MCF2: variants seen among roughly 807,000 people sequenced by gnomAD.
MCF2 encodes the protein proto-oncogene DBL.
In MCF2, 44 loss-of-function variants were observed where a neutral mutation model predicts 82.5. The observed-to-expected ratio is 0.53, with a 90% CI of 0.42 to 0.69. MCF2 has a LOEUF of 0.69. Among genes scored for constraint, MCF2 ranks in the 30% least tolerant of loss-of-function variants. MCF2 has a pLI of 0.00. For synonymous variants in MCF2, 217 were observed against 224.9 expected, an observed-to-expected ratio of 0.96 and a Z score of 0.32; for missense variants, 623 against 663.1, an observed-to-expected ratio of 0.94 and a Z score of 0.66.
At chrX:139,679,668 G>A (rs1346494788) in intron 1 of MCF2, among the ~76,000 whole-genome samples, 1 of 109,970 alleles carries the variant, frequency 9.1e-6, no homozygotes, top group Non-Finnish European at 1.9e-5. Flanking sequence ...ACAGTGAAAG[G>A]ACATCCAGCA....
chrX:139,664,863 G>A (rs1252025450), intron 1 of MCF2, among the ~76,000 whole-genome samples: 1 of 111,449 alleles, frequency 9.0e-6, no homozygotes, highest in African/African-American at 3.3e-5. Flanking sequence ...GTTATTCAGG[G>A]CCCAAGGTCT....
At chrX:139,588,819 A>G (rs979664226) in intron 20 of MCF2, among the ~76,000 whole-genome samples, 1 of 108,859 alleles carries the variant, frequency 9.2e-6, no homozygotes, top group Non-Finnish European at 1.9e-5. Flanking sequence ...AGTCCCAGCT[A>G]CTTGAGAGGG....
Position 139,616,289 on chromosome X carries a change from T to C in MCF2, c.1184A>G (p.Glu395Gly), listed in dbSNP as rs776393207. The C allele has an allele frequency of 8.2e-6, 9 of 1,093,447 alleles. No individual in the cohort carries two copies. Among genetic ancestry groups the C allele is most frequent in the Non-Finnish European group, 1.1e-5 (9 of 822,917 alleles). The allele number at this position is 1,093,447 out of a possible 1,213,427, so 90.1% of individuals were successfully genotyped here. A position where few individuals can be genotyped will look rare whatever the true frequency, so the allele number is the denominator to read the frequency against. The change falls in exon 9 of 25, where the codon GAG becomes GGG. Residue 395 changes from glutamate to glycine, a missense_variant. By Grantham distance (98) the Glu-to-Gly change is moderately conservative. Coordinates refer to ENST00000370576, the Ensembl canonical transcript of MCF2. ...AAATAAAAAAGCCTCTACCTTAAGC[T>C]CAGGAGATAATATTACATCAAATTC...
intron 18 of MCF2, among the ~76,000 whole-genome samples, 154 bp downstream of exon 22, chrX:139,597,305 CA>C (rs1442659649): frequency 4.5e-5 from 5 of 111,245 alleles, no homozygotes; most frequent in African/African-American, 1.6e-4. Context: ...GATCTGAAGC[CA>C]ATTCTCCACT....
chrX:139,586,187 A>G (rs1928937668), intron 23 of MCF2, among the ~76,000 whole-genome samples, 191 bp downstream of exon 27: 1 of 111,915 alleles, frequency 8.9e-6, no homozygotes, highest in African/African-American at 3.3e-5. Context: ...CAGGGACCAC[A>G]CTTTGACAAC....
chrX:139,590,268 A>G (rs1044059437), intron 19 of MCF2, among the ~76,000 whole-genome samples: 2 of 111,290 alleles, frequency 1.8e-5, no homozygotes, highest in African/African-American at 3.3e-5. Context: ...AGAAGTCATT[A>G]AACATCAATA....
chrX:139,609,981 C>T (rs1428161865), intron 11 of MCF2, among the ~76,000 whole-genome samples: 1 of 112,689 alleles, frequency 8.9e-6, no homozygotes. Context: ...TTATTCTGCA[C>T]AAAGGTGCAA....
chrX:139,642,911 T>TC, upstream of MCF2: 1 of 695,535 alleles, frequency 1.4e-6, no homozygotes, highest in Non-Finnish European at 1.8e-6. Context: ...ACTGGCTTTC[T>TC]CCTCTGCGCA....
At position 139,678,572 on chromosome X, in the gene MCF2, C is replaced by T. The variant is rs757692054; in HGVS notation, c.-44-26784G>A. Among the ~76,000 whole-genome samples, 6 of 111,466 alleles carry T rather than the reference C, an allele frequency of 5.4e-5. No homozygotes were observed. The East Asian group carries it at 1.1e-3, about 21-fold the overall frequency. ...CTGAAGATAATTTCAACACATGTAA[C>T]GACAAAGAATTAGTAATTAATATCA... On this transcript the variant is annotated intron_variant, in intron 1 of 27. Coordinates refer to the MCF2 transcript ENST00000414978.
At chrX:139,636,358 AG>A (rs1175206578) in intron 1 of MCF2, among the ~76,000 whole-genome samples, 1 of 112,026 alleles carries the variant, frequency 8.9e-6, no homozygotes, top group Non-Finnish European at 1.9e-5. Flanking sequence ...TGAAATTGAA[AG>A]CACCCTACTT....
chrX:139,645,935 A>G (rs1933787199), upstream of MCF2, among the ~76,000 whole-genome samples: 1 of 111,711 alleles, frequency 9.0e-6, no homozygotes, highest in African/African-American at 3.2e-5. Context: ...TTGATTTAGA[A>G]TACTGTAATC....
chrX:139,659,842 G>A (rs1203822657), intron 1 of MCF2, among the ~76,000 whole-genome samples: 2 of 112,166 alleles, frequency 1.8e-5, no homozygotes, highest in Non-Finnish European at 3.8e-5. Flanking sequence ...AAAACAGACT[G>A]AGAAAGTGTA....
rs1439237339 is a variant in MCF2, at chrX:139,613,069, A to G, written c.1363+1812T>C. ...AAGCATAATACAAAGAGAATAATGG[A>G]TGGTTATTATGAAAAACAGGAAAAA... On this transcript the variant is annotated intron_variant, in intron 10 of 24. Transcript: ENST00000370576. 3.4e-5 allele frequency: 14 copies of G among 407,567 alleles called. No homozygotes were observed. In the East Asian group the frequency reaches 4.6e-4, roughly 13 times the overall value. The allele number at this position is 407,567 out of a possible 1,213,427, so 33.6% of individuals were successfully genotyped here. A position where few individuals can be genotyped will look rare whatever the true frequency, so the allele number is the denominator to read the frequency against.
chrX:139,696,702 A>G (rs1410203504), intron 1 of MCF2, among the ~76,000 whole-genome samples: 1 of 111,522 alleles, frequency 9.0e-6, no homozygotes, highest in Non-Finnish European at 1.9e-5. Context: ...TTATTTCATT[A>G]TAGTAAATTA....
intron 1 of MCF2, among the ~76,000 whole-genome samples, chrX:139,672,690 T>G (rs1309772435): frequency 8.9e-6 from 1 of 112,211 alleles, no homozygotes; most frequent in Non-Finnish European, 1.9e-5. Context: ...GGACAAGCTT[T>G]TTGATGTGCT....
chrX:139,614,543 A>G (rs1004409478), intron 10 of MCF2, among the ~76,000 whole-genome samples: 4 of 106,689 alleles, frequency 3.7e-5, no homozygotes, highest in Non-Finnish European at 5.8e-5. Context: ...GTGTGTGTGC[A>G]TGCACACATG....
At chrX:139,704,833 A>AT (rs896232858) in intron 1 of MCF2, among the ~76,000 whole-genome samples, 1 of 110,882 alleles carries the variant, frequency 9.0e-6, no homozygotes, top group Non-Finnish European at 1.9e-5. Context: ...CTACAGATTC[A>AT]GTGCTATTCC....
chrX:139,692,895 C>T (rs1342897558), intron 1 of MCF2, among the ~76,000 whole-genome samples: 4 of 112,396 alleles, frequency 3.6e-5, no homozygotes, highest in African/African-American at 1.3e-4. Context: ...TATGCCAAGT[C>T]CCACGCCCTT....
chrX:139,675,900 C>T (rs1384151916), intron 1 of MCF2, among the ~76,000 whole-genome samples: 1 of 112,889 alleles, frequency 8.9e-6, no homozygotes, highest in Non-Finnish European at 1.9e-5. Context: ...TTTCTGCTGC[C>T]TTTTATTCAG....
Sources: gnomAD v4.1 joint callset for allele counts (sites outside exome capture counted in the v4.1 genomes callset) on GRCh38, gnomAD v4.1.1 for gene constraint, MANE v1.5 for transcripts, NCBI Gene and HGNC (gene_info 2026-07-23, HGNC 2026-07-21) for gene names.